KCNJ3: variants seen among roughly 807,000 people sequenced by gnomAD.
KCNJ3 encodes potassium inwardly rectifying channel subfamily J member 3, also known as G protein-activated inward rectifier potassium channel 1.
A neutral mutation model predicts 39.2 loss-of-function variants in KCNJ3; 4 were observed. That is an observed-to-expected ratio of 0.10 (90% CI 0.05 to 0.23). The LOEUF is 0.23. KCNJ3 is among the 10% of genes least tolerant of loss of function. The probability of loss-of-function intolerance (pLI) is 1.00; values close to 1 mark genes in which losing one functional copy is unlikely to be tolerated. For missense variants in KCNJ3, 276 were observed against 634.9 expected (o/e 0.43, Z 6.08); for synonymous variants, 230 against 237.4 (o/e 0.97, Z 0.29).
intron 2 of KCNJ3, among the ~76,000 whole-genome samples, chr2:154,797,036 G>GA (rs1192177463): frequency 5.9e-5 from 9 of 152,092 alleles, no homozygotes; most frequent in Admixed American, 1.3e-4. Flanking sequence ...CAAGGTGTAG[G>GA]AGGAGAAAGT....
intron 1 of KCNJ3, among the ~76,000 whole-genome samples, chr2:154,708,504 A>G (rs1685051140): frequency 6.6e-6 from 1 of 152,184 alleles, no homozygotes; most frequent in Non-Finnish European, 1.5e-5. Context: ...GGAATCTGTT[A>G]GAATACAATG....
At chr2:154,703,903 A>G (rs1286714058) in intron 1 of KCNJ3, among the ~76,000 whole-genome samples, 1 of 152,148 alleles carries the variant, frequency 6.6e-6, no homozygotes, top group Non-Finnish European at 1.5e-5. Flanking sequence ...TCTGAACATC[A>G]TCTAAGCCAT....
intron 2 of KCNJ3, among the ~76,000 whole-genome samples, chr2:154,824,609 A>G (rs994949250): frequency 2.0e-5 from 3 of 152,194 alleles, no homozygotes; most frequent in Non-Finnish European, 4.4e-5. Flanking sequence ...TCTATAAAAA[A>G]CTTAAGATAT....
At chr2:154,771,223 G>A (rs1056044942) in intron 2 of KCNJ3, among the ~76,000 whole-genome samples, 66 of 152,062 alleles carry the variant, frequency 4.3e-4, no homozygotes, top group Non-Finnish European at 8.8e-5. Context: ...ATTTGTTAAA[G>A]GAAATTTATC....
In KCNJ3 at chr2:154,698,732, T is replaced by A; in HGVS notation, c.-44T>A. 6 of 805,150 alleles carry A rather than the reference T, an allele frequency of 7.5e-6. No homozygotes were observed. Among genetic ancestry groups the A allele is most frequent in the Non-Finnish European group, 1.1e-5 (6 of 540,230 alleles). The allele number at this position is 805,150 out of a possible 1,614,324, so 49.9% of individuals were successfully genotyped here. ...GTGCTAGTTTGCAGCGCCCAGCTCC[T>A]GCGCCTTCGCTTCGCGTTTGAATCT... On this transcript the variant is annotated 5_prime_UTR_variant, in exon 1 of 3. Transcript: ENST00000295101.
chr2:154,804,617 C>T (rs1216495931), intron 2 of KCNJ3, among the ~76,000 whole-genome samples: 1 of 152,082 alleles, frequency 6.6e-6, no homozygotes, highest in Non-Finnish European at 1.5e-5. Flanking sequence ...AAGTAAGTGT[C>T]AAGTACTAGG....
intron 2 of KCNJ3, among the ~76,000 whole-genome samples, chr2:154,806,183 T>G (rs1686908418): frequency 6.6e-6 from 1 of 152,164 alleles, no homozygotes; most frequent in Admixed American, 6.6e-5. Flanking sequence ...GCAGCCTTCC[T>G]CCATTACATG....
chr2:154,756,760 T>C (rs1363228195), intron 2 of KCNJ3, among the ~76,000 whole-genome samples: 3 of 151,874 alleles, frequency 2.0e-5, no homozygotes, highest in Admixed American at 6.6e-5. Flanking sequence ...TAAAGTATAA[T>C]AAAAATAAAT....
intron 2 of KCNJ3, among the ~76,000 whole-genome samples, chr2:154,802,185 G>A (rs937484021): frequency 6.6e-6 from 1 of 151,786 alleles, no homozygotes; most frequent in East Asian, 1.9e-4. Flanking sequence ...AAGGATTTGG[G>A]GAGTTTTTTT....
chr2:154,857,223 C>G lies in KCNJ3; in HGVS notation c.*1910C>G, dbSNP rs919188330. 8 of 151,996 alleles carry G rather than the reference C, an allele frequency of 5.3e-5. No individual in the cohort carries two copies. The highest frequency in any genetic ancestry group is 1.9e-4 in the East Asian group (1 of 5,156). The allele number at this position is 151,996 out of a possible 1,614,324, so 9.4% of individuals were successfully genotyped here. A position where few individuals can be genotyped will look rare whatever the true frequency, so the allele number is the denominator to read the frequency against. On this transcript the variant is annotated 3_prime_UTR_variant, in exon 3 of 3. Transcript: ENST00000295101. Reference sequence around the variant, plus strand: ...GTAGATGTAGGAAACAAAATAGTGACAGAGAGAGAAGGGGGTCCACAGGGC... The same window carrying G: ...GTAGATGTAGGAAACAAAATAGTGAGAGAGAGAGAAGGGGGTCCACAGGGC...
intron 1 of KCNJ3, among the ~76,000 whole-genome samples, chr2:154,707,433 T>G (rs879346174): frequency 1.3e-5 from 2 of 152,140 alleles, no homozygotes; most frequent in Non-Finnish European, 2.9e-5. Context: ...ATCCTCCTGA[T>G]AGCCTGCCTG....
At chr2:154,723,038 T>C (rs547972520) in intron 2 of KCNJ3, among the ~76,000 whole-genome samples, 17 of 152,126 alleles carry the variant, frequency 1.1e-4, no homozygotes, top group Middle Eastern at 3.4e-3. Flanking sequence ...CCCAGCACTT[T>C]GGGAGGCTGA....
chr2:154,701,727 A>G (rs1381653203), intron 1 of KCNJ3, among the ~76,000 whole-genome samples: 1 of 152,084 alleles, frequency 6.6e-6, no homozygotes, highest in East Asian at 1.9e-4. Context: ...TTTACTTTTG[A>G]TTTGTTAGGA....
intron 2 of KCNJ3, among the ~76,000 whole-genome samples, chr2:154,741,995 C>T (rs186534016): frequency 6.6e-6 from 1 of 151,902 alleles, no homozygotes; most frequent in African/African-American, 2.4e-5. Flanking sequence ...TTCTTTTCAT[C>T]TTAAAACTGA....
intron 2 of KCNJ3, among the ~76,000 whole-genome samples, chr2:154,776,135 G>T (rs1038390170): frequency 7.9e-5 from 12 of 151,812 alleles, no homozygotes; most frequent in Non-Finnish European, 1.3e-4. Flanking sequence ...CCAAGTAGCT[G>T]GGACTACAGG....
chr2:154,799,748 T>A (rs1267144443), intron 2 of KCNJ3, among the ~76,000 whole-genome samples: 1 of 152,152 alleles, frequency 6.6e-6, no homozygotes, highest in Non-Finnish European at 1.5e-5. Context: ...TCCACCCACT[T>A]CCTAGGTAAT....
At chr2:154,768,727 G>A (rs1394474111) in intron 2 of KCNJ3, among the ~76,000 whole-genome samples, 3 of 152,158 alleles carry the variant, frequency 2.0e-5, no homozygotes, top group African/African-American at 4.8e-5. Context: ...TGTGAATTAA[G>A]GCATTGGTAG....
chr2:154,805,651 A>G (rs1686897402), intron 2 of KCNJ3, among the ~76,000 whole-genome samples: 1 of 152,198 alleles, frequency 6.6e-6, no homozygotes, highest in Non-Finnish European at 1.5e-5. Flanking sequence ...ATATTGAATC[A>G]GCTCTCTTTA....
intron 2 of KCNJ3, among the ~76,000 whole-genome samples, chr2:154,815,833 A>G (rs942955894): frequency 6.6e-6 from 1 of 152,078 alleles, no homozygotes; most frequent in Non-Finnish European, 1.5e-5. Context: ...GGGTCTTTTC[A>G]TTTACTGTCC....
Sources: gnomAD v4.1 joint callset for allele counts (sites outside exome capture counted in the v4.1 genomes callset) on GRCh38, gnomAD v4.1.1 for gene constraint, MANE v1.5 for transcripts, NCBI Gene and HGNC (gene_info 2026-07-23, HGNC 2026-07-21) for gene names.